Variants in NTN1 observed in about 807,000 individuals in gnomAD.
NTN1 encodes the protein netrin 1.
NTN1 carries 11 observed loss-of-function variants against 54.2 expected under a neutral mutation model. The ratio of observed to expected loss-of-function variants is 0.20; its 90% CI spans 0.13 to 0.34. NTN1 has a LOEUF of 0.34. NTN1 is among the 10% of genes least tolerant of loss of function. The probability of loss-of-function intolerance (pLI) is 1.00; values close to 1 mark genes in which losing one functional copy is unlikely to be tolerated. For missense variants in NTN1, 740 were observed against 893.1 expected (o/e 0.83, Z 2.18); for synonymous variants, 371 against 382.0 (o/e 0.97, Z 0.33).
At chr17:9,062,898 A>G (rs529834428) in intron 2 of NTN1, among the ~76,000 whole-genome samples, 1 of 152,278 alleles carries the variant, frequency 6.6e-6, no homozygotes, top group East Asian at 1.9e-4. Context: ...TAATAATAAT[A>G]CAGGATTGTG....
intron 2 of NTN1, among the ~76,000 whole-genome samples, chr17:9,143,216 C>A (rs1476703745): frequency 2.0e-5 from 3 of 152,312 alleles, no homozygotes; most frequent in Non-Finnish European, 2.9e-5. Flanking sequence ...GGGCCACAGA[C>A]TCCAGAGCCC....
chr17:9,064,688 G>A (rs777314117), intron 2 of NTN1, among the ~76,000 whole-genome samples: 1 of 152,132 alleles, frequency 6.6e-6, no homozygotes, highest in Non-Finnish European at 1.5e-5. Context: ...CCATCCCCCT[G>A]GATGGCTCTG....
At chr17:9,053,317 C>A (rs1019567618) in intron 2 of NTN1, among the ~76,000 whole-genome samples, 2 of 152,120 alleles carry the variant, frequency 1.3e-5, no homozygotes, top group Non-Finnish European at 2.9e-5. Context: ...CCAACACTGG[C>A]GAAAATGGAA....
In NTN1 at chr17:9,234,136, G is replaced by A. The variant is rs1167290787; in HGVS notation, c.1487-5504G>A. Among the ~76,000 whole-genome samples, 7 of 152,224 alleles carry A rather than the reference G, an allele frequency of 4.6e-5. No homozygotes were observed. In the South Asian group the frequency reaches 8.3e-4, roughly 18 times the overall value. On this transcript the variant is annotated intron_variant, in intron 6 of 6. Transcript: ENST00000173229. ...CCCATGTGGGCGTCTCCTGTGGGGCGGAGGAAGGTGTGTGCCCCTGTAGGC... is the reference window on the plus strand; with the variant it reads ...CCCATGTGGGCGTCTCCTGTGGGGCAGAGGAAGGTGTGTGCCCCTGTAGGC...
At chr17:9,031,176 G>C (rs972727869) in intron 2 of NTN1, among the ~76,000 whole-genome samples, 3 of 152,180 alleles carry the variant, frequency 2.0e-5, no homozygotes, top group Non-Finnish European at 4.4e-5. Flanking sequence ...AAAGGGGCTG[G>C]CTTTAAATAA....
At chr17:9,028,223 G>A (rs1377455881) in intron 2 of NTN1, among the ~76,000 whole-genome samples, 1 of 152,190 alleles carries the variant, frequency 6.6e-6, no homozygotes, top group Non-Finnish European at 1.5e-5. Context: ...TGAAACTATT[G>A]TTGACAAAGA....
chr17:9,220,126 C>T (rs184553595), intron 5 of NTN1, among the ~76,000 whole-genome samples: 1 of 152,240 alleles, frequency 6.6e-6, no homozygotes, highest in Non-Finnish European at 1.5e-5. Context: ...TATCGCCTAA[C>T]CAAGAGTGCA....
In NTN1 at chr17:9,201,657, A is replaced by G. The variant is rs147012325; in HGVS notation, c.1411+18688A>G. The stretch of plus-strand genomic sequence containing the variant: ...GTTTTGGAAGTCTCTTGGGAGGCCT[A>G]TAGGTAAACTTCCTAGCAACGGATC... On this transcript the variant is annotated intron_variant, in intron 5 of 6. Transcript: ENST00000173229. 9.2e-5 allele frequency among the ~76,000 whole-genome samples: 14 copies of G among 152,252 alleles called. No homozygotes were observed. In the East Asian group the frequency reaches 2.5e-3, roughly 27 times the overall value.
chr17:9,120,741 C>T (rs2092229472), intron 2 of NTN1, among the ~76,000 whole-genome samples: 1 of 152,214 alleles, frequency 6.6e-6, no homozygotes. Flanking sequence ...TCCCCCCAGC[C>T]CCTTCCCAGC....
intron 3 of NTN1, among the ~76,000 whole-genome samples, chr17:9,163,238 G>A (rs2092363386): frequency 6.8e-6 from 1 of 147,554 alleles, no homozygotes; most frequent in Admixed American, 6.8e-5. Flanking sequence ...ATGGAGACAT[G>A]GCTCAAAGGA....
At chr17:9,104,809 G>T (rs1002420573) in intron 2 of NTN1, among the ~76,000 whole-genome samples, 2 of 152,220 alleles carry the variant, frequency 1.3e-5, no homozygotes, top group African/African-American at 4.8e-5. Flanking sequence ...GGAAGGGAAG[G>T]ATTTCCCACG....
chr17:9,169,830 A>G (rs1403331667), intron 3 of NTN1, among the ~76,000 whole-genome samples: 1 of 152,168 alleles, frequency 6.6e-6, no homozygotes. Context: ...GCACCATTGC[A>G]CTCCAGCCTG....
chr17:9,109,748 G>A (rs4791788), intron 2 of NTN1, among the ~76,000 whole-genome samples: 1 of 152,084 alleles, frequency 6.6e-6, no homozygotes, highest in African/African-American at 2.4e-5. Context: ...AATTTTCATC[G>A]GCCTATATTC....
At chr17:9,163,609 C>CA (rs1025296479) in intron 3 of NTN1, among the ~76,000 whole-genome samples, 134 of 141,278 alleles carry the variant, frequency 9.5e-4, no homozygotes, top group Middle Eastern at 3.6e-3. Context: ...CTTCTCAGGA[C>CA]AAAAAAAAAA....
chr17:9,118,208 A>G (rs978631227), intron 2 of NTN1, among the ~76,000 whole-genome samples: 12 of 152,190 alleles, frequency 7.9e-5, no homozygotes, highest in African/African-American at 2.9e-4. Context: ...CACATGCCTC[A>G]TAATTCCCCC....
At chr17:9,062,216 T>C (rs1459045195) in intron 2 of NTN1, among the ~76,000 whole-genome samples, 6 of 152,212 alleles carry the variant, frequency 3.9e-5, no homozygotes, top group African/African-American at 1.4e-4. Context: ...TTCCTTGGAA[T>C]GAAGTTGTCC....
At chr17:9,184,946 T>G (rs1053366154) in intron 5 of NTN1, among the ~76,000 whole-genome samples, 1 of 152,262 alleles carries the variant, frequency 6.6e-6, no homozygotes, top group Non-Finnish European at 1.5e-5. Flanking sequence ...TTGTTTAACT[T>G]TTCGGACTGC....
intron 5 of NTN1, among the ~76,000 whole-genome samples, chr17:9,201,043 G>A (rs1904769308): frequency 6.6e-6 from 1 of 152,132 alleles, no homozygotes; most frequent in South Asian, 2.1e-4. Flanking sequence ...GCAGATAATA[G>A]AGGACGATAC....
chr17:9,009,362 C>T, the NTN1 span, among the ~76,000 whole-genome samples: 1 of 152,216 alleles, frequency 6.6e-6, no homozygotes, highest in Non-Finnish European at 1.5e-5. Flanking sequence ...TAGGAAGTGG[C>T]TCCCTGGGCG....
Sources: gnomAD v4.1 joint callset for allele counts (sites outside exome capture counted in the v4.1 genomes callset) on GRCh38, gnomAD v4.1.1 for gene constraint, MANE v1.5 for transcripts, NCBI Gene and HGNC (gene_info 2026-07-23, HGNC 2026-07-21) for gene names.